SLC36A1: variants seen among roughly 807,000 people sequenced by gnomAD.
The protein encoded by SLC36A1 is solute carrier family 36 member 1, also known as proton-coupled amino acid transporter 1.
In SLC36A1, 30 loss-of-function variants were observed where a neutral mutation model predicts 47.5. That is an observed-to-expected ratio of 0.63 (90% CI 0.47 to 0.86). The LOEUF (loss-of-function observed/expected upper bound fraction) is 0.86, where lower values mean the gene tolerates loss of function less well. Among genes scored for constraint, SLC36A1 ranks in the 40% least tolerant of loss-of-function variants. The pLI, the probability that SLC36A1 is intolerant of heterozygous loss-of-function variation, is 0.00. For synonymous variants in SLC36A1, 255 were observed against 249.7 expected, an observed-to-expected ratio of 1.02 and a Z score of -0.20; for missense variants, 517 against 606.0, an observed-to-expected ratio of 0.85 and a Z score of 1.54.
the SLC36A1 span, among the ~76,000 whole-genome samples, chr5:151,422,489 G>A: frequency 6.6e-6 from 1 of 152,174 alleles, no homozygotes; most frequent in African/African-American, 2.4e-5. Context: ...GTGGAGGCAG[G>A]AACCTCTGAA....
At chr5:151,534,505 G>T in the SLC36A1 span, 1 of 1,613,930 alleles carries the variant, frequency 6.2e-7, no homozygotes, top group Non-Finnish European at 8.5e-7. Context: ...AAGAACCGCG[G>T]GGCATTGTCA....
At chr5:151,418,569 C>T in the SLC36A1 span, among the ~76,000 whole-genome samples, 1 of 152,164 alleles carries the variant, frequency 6.6e-6, no homozygotes, top group Non-Finnish European at 1.5e-5. Context: ...CCTGTAGCCC[C>T]TTTGTTTGGC....
chr5:151,517,117 AAAAAG>A, the SLC36A1 span, among the ~76,000 whole-genome samples: 1 of 152,170 alleles, frequency 6.6e-6, no homozygotes, highest in Non-Finnish European at 1.5e-5. Flanking sequence ...CAAAAAAAAA[AAAAAG>A]AAAAAAGAAA....
intron 1 of SLC36A1, among the ~76,000 whole-genome samples, chr5:151,439,436 T>C (rs1472753582): frequency 6.6e-6 from 1 of 152,074 alleles, no homozygotes; most frequent in Non-Finnish European, 1.5e-5. Flanking sequence ...GGGCAGATCA[T>C]GATGTCAGGA....
Position 151,488,720 on chromosome 5 carries a change from A to G in SLC36A1, c.*466A>G, listed in dbSNP as rs1759868992. The G allele has an allele frequency of 6.0e-6, 1 of 166,362 alleles. No homozygotes were observed. The highest frequency in any genetic ancestry group is 1.3e-5 in the Non-Finnish European group (1 of 75,410). 10.3% of individuals were successfully genotyped at this position (166,362 alleles called of 1,614,324 possible). ...GGCTTCTTTCTCATCTCTCTCCCAA[A>G]TGTTGTATCTCAGTATTCTTCCTAT... On this transcript the variant is annotated 3_prime_UTR_variant, in exon 11 of 11. Transcript: ENST00000243389.
the SLC36A1 span, chr5:151,381,073 G>A: frequency 1.5e-5 from 7 of 455,678 alleles, no homozygotes; most frequent in South Asian, 1.2e-4. Context: ...TAGCCTTGAG[G>A]CACCAGCCAC....
chr5:151,500,816 G>GC, the SLC36A1 span, among the ~76,000 whole-genome samples: 1 of 152,260 alleles, frequency 6.6e-6, no homozygotes, highest in East Asian at 1.9e-4. Context: ...GTCTGCCTGA[G>GC]CCCCAGTGGT....
At chr5:151,537,343 GAAAAGAAA>G in the SLC36A1 span, among the ~76,000 whole-genome samples, 1 of 133,172 alleles carries the variant, frequency 7.5e-6, no homozygotes, top group African/African-American at 3.0e-5. Context: ...GAAAAGAAAA[GAAAAGAAA>G]AAAGAAGGAA....
At chr5:151,383,473 T>C in the SLC36A1 span, among the ~76,000 whole-genome samples, 1 of 151,934 alleles carries the variant, frequency 6.6e-6, no homozygotes, top group East Asian at 1.9e-4. Flanking sequence ...GCAAAATATA[T>C]CACTCCAAAC....
chr5:151,436,450 G>A (rs1257178846), upstream of SLC36A1, among the ~76,000 whole-genome samples: 1 of 151,924 alleles, frequency 6.6e-6, no homozygotes, highest in Non-Finnish European at 1.5e-5. Flanking sequence ...CCTTCCTATG[G>A]CAAATTATGA....
chr5:151,541,601 A>G, the SLC36A1 span, among the ~76,000 whole-genome samples: 1 of 152,238 alleles, frequency 6.6e-6, no homozygotes, highest in Non-Finnish European at 1.5e-5. Context: ...AAAAGGCCAC[A>G]GGAGTGAAGA....
At chr5:151,526,145 G>T in the SLC36A1 span, among the ~76,000 whole-genome samples, 1 of 152,192 alleles carries the variant, frequency 6.6e-6, no homozygotes, top group South Asian at 2.1e-4. Context: ...TGTTGACTTT[G>T]CTGTCTAGAC....
intron 1 of SLC36A1, among the ~76,000 whole-genome samples, chr5:151,440,786 T>C (rs1363246777): frequency 6.6e-6 from 1 of 151,936 alleles, no homozygotes; most frequent in African/African-American, 2.4e-5. Context: ...CAAATGGAGA[T>C]CAAAAGTCTT....
chr5:151,463,088 C>T (rs905407078), intron 2 of SLC36A1, among the ~76,000 whole-genome samples: 1 of 152,132 alleles, frequency 6.6e-6, no homozygotes, highest in African/African-American at 2.4e-5. Flanking sequence ...GTTGGCCAGG[C>T]TGGTCTCGAA....
chr5:151,381,763 G>A, the SLC36A1 span, among the ~76,000 whole-genome samples: 1 of 152,096 alleles, frequency 6.6e-6, no homozygotes, highest in Admixed American at 6.6e-5. Context: ...TTTCAACCCT[G>A]ACCAATCAGC....
At chr5:151,529,239 G>A in the SLC36A1 span, 16 of 1,613,996 alleles carry the variant, frequency 9.9e-6, no homozygotes, top group East Asian at 3.3e-4. Context: ...TGGATCTTGG[G>A]GGAATTGGGG....
chr5:151,545,585 G>A, the SLC36A1 span: 3 of 1,613,976 alleles, frequency 1.9e-6, no homozygotes, highest in Non-Finnish European at 2.5e-6. Flanking sequence ...AATAATACAG[G>A]GCTTCCTTGG....
the SLC36A1 span, among the ~76,000 whole-genome samples, chr5:151,499,185 T>G: frequency 6.6e-6 from 1 of 152,218 alleles, no homozygotes; most frequent in South Asian, 2.1e-4. Context: ...TTGAGGAATT[T>G]TGAGAAAAGT....
chr5:151,411,576 C>T, the SLC36A1 span, among the ~76,000 whole-genome samples: 1,935 of 144,866 alleles, frequency 0.013, 426 homozygotes, highest in East Asian at 0.22. Context: ...AAAGCCAATA[C>T]ACAGAGCCAA....
Sources: gnomAD v4.1 joint callset for allele counts (sites outside exome capture counted in the v4.1 genomes callset) on GRCh38, gnomAD v4.1.1 for gene constraint, MANE v1.5 for transcripts, NCBI Gene and HGNC (gene_info 2026-07-23, HGNC 2026-07-21) for gene names.